Variants in RBM28 observed in about 807,000 individuals in gnomAD.
The protein encoded by RBM28 is RNA-binding protein 28.
RBM28 carries 78 observed loss-of-function variants against 98.3 expected under a neutral mutation model. That is an observed-to-expected ratio of 0.79 (90% CI 0.66 to 0.96). The LOEUF (loss-of-function observed/expected upper bound fraction) is 0.96, where lower values mean the gene tolerates loss of function less well. Among genes scored for constraint, RBM28 ranks in the 40% least tolerant of loss-of-function variants. RBM28 has a pLI of 0.00. For missense variants in RBM28, 838 were observed against 913.0 expected (o/e 0.92, Z 1.06); for synonymous variants, 306 against 330.9 (o/e 0.92, Z 0.82).
Position 128,343,766 on chromosome 7 carries a change from G to A in RBM28, c.28C>T (p.Arg10Cys), listed in dbSNP as rs762465581. 5.0e-6 allele frequency: 8 copies of A among 1,609,068 alleles called. No homozygotes were observed. The Admixed American group carries it at 8.4e-5, about 17-fold the overall frequency. The change falls in exon 1 of 19, where the codon CGC (arginine) becomes TGC (cysteine). Residue 10 changes from arginine (R) to cysteine (C), a missense_variant. Physicochemically the swap from Arg to Cys is radical, Grantham distance 180. Coordinates refer to ENST00000223073, the MANE Select transcript of RBM28 (RefSeq NM_018077.3). ...TCACTGCGGGCCGAGGGCGGGAGGC[G>A]GCCCACAAATAAGGTCAGGCCGGCC... MAGLTLFVG[R>C]LPPSARSEQL...
Position 128,322,480 on chromosome 7 carries a change from A to G in RBM28, c.1404+1047T>C, listed in dbSNP as rs576717076. Among the ~76,000 whole-genome samples, 6 of 152,340 alleles carry G rather than the reference A, an allele frequency of 3.9e-5. No homozygotes were observed. In the South Asian group the frequency reaches 1.2e-3, roughly 32 times the overall value. Reference sequence around the variant, plus strand: ...TCTTGTTTGGTAAAAGTACCAACAGATCACAAAATAAACAAATCCCTTGGA... The same window carrying G: ...TCTTGTTTGGTAAAAGTACCAACAGGTCACAAAATAAACAAATCCCTTGGA... On this transcript the variant is annotated intron_variant, in intron 13 of 18. Transcript: ENST00000223073.
chr7:128,343,752 C>T lies in RBM28; in HGVS notation c.42G>A (p.Ser14=). Residue 14 remains serine, a synonymous_variant, in exon 1 of 19, where the codon TCG becomes TCA. Transcript: ENST00000223073. Reference sequence around the variant, plus strand: ...GTTCCTCCAGCTGCTCACTGCGGGCCGAGGGCGGGAGGCGGCCCACAAATA... The same window carrying T: ...GTTCCTCCAGCTGCTCACTGCGGGCTGAGGGCGGGAGGCGGCCCACAAATA... The part of the protein sequence containing the change: ...LTLFVGRLPP[S]ARSEQLEELF... 6.2e-7 allele frequency: 1 copy of T among 1,610,236 alleles called. No individual in the cohort carries two copies. The highest frequency in any genetic ancestry group is 8.5e-7 in the Non-Finnish European group (1 of 1,178,044).
chr7:128,336,774 G>A (rs1309987551), intron 6 of RBM28, among the ~76,000 whole-genome samples: 1 of 151,964 alleles, frequency 6.6e-6, no homozygotes, highest in Non-Finnish European at 1.5e-5. Context: ...TTTTTTTTGA[G>A]ACGAAGTCTC....
At chr7:128,335,717 A>G (rs960502033) in intron 7 of RBM28, 38 bp from the exon 8 acceptor site, 1 of 1,614,052 alleles carries the variant, frequency 6.2e-7, no homozygotes, top group Admixed American at 1.7e-5. Context: ...AGGTGGGCTG[A>G]CAGAGGGCCT....
At chr7:128,336,067 G>C (rs1357765144) in intron 6 of RBM28, 25 bp from the exon 7 acceptor site, 3 of 1,578,316 alleles carry the variant, frequency 1.9e-6, no homozygotes, top group African/African-American at 2.7e-5. Context: ...AAAGAAAGGA[G>C]GAATTCATTT....
chr7:128,329,888 CAAAAAAAAAAAAAA>C (rs398006204), intron 10 of RBM28, among the ~76,000 whole-genome samples: 82 of 101,602 alleles, frequency 8.1e-4, no homozygotes, highest in Admixed American at 9.1e-4. Flanking sequence ...GACTCCGTCT[CAAAAAAAAAAAAAA>C]AAAAAAAAAA....
At chr7:128,312,183 C>A (rs2116319251) in intron 18 of RBM28, among the ~76,000 whole-genome samples, 1 of 152,294 alleles carries the variant, frequency 6.6e-6, no homozygotes, top group African/African-American at 2.4e-5. Context: ...CTTTGGGAGG[C>A]CGAGGCAGGC....
Position 128,306,305 on chromosome 7 carries a change from C to G in RBM28, c.*4492G>C, listed in dbSNP as rs1415819016. The G allele has an allele frequency of 6.6e-6, 1 of 152,192 alleles. No individual in the cohort carries two copies. Among genetic ancestry groups the G allele is most frequent in the Non-Finnish European group, 1.5e-5 (1 of 68,040 alleles). The allele number at this position is 152,192 out of a possible 1,614,324, so 9.4% of individuals were successfully genotyped here. On this transcript the variant is annotated 3_prime_UTR_variant, in exon 19 of 19. Coordinates refer to ENST00000223073, the MANE Select transcript of RBM28 (RefSeq NM_018077.3). Reference sequence around the variant, plus strand: ...CCAGATTGGAATGGACAAGGCATAGCAGAAAGTACGGTGGTACACTCAAGG... The same window carrying G: ...CCAGATTGGAATGGACAAGGCATAGGAGAAAGTACGGTGGTACACTCAAGG...
Position 128,314,693 on chromosome 7 carries a change from A to T in RBM28, c.2045+71T>A, listed in dbSNP as rs1305762244. ...AACCAAACAAATGCCACAAAGAGAA[A>T]ATAACTCAGCAAAAACAAACCCGCT... is the stretch of plus-strand genomic sequence containing the variant. On this transcript the variant is annotated intron_variant, in intron 17 of 18. Coordinates refer to ENST00000223073, the MANE Select transcript of RBM28 (RefSeq NM_018077.3). 5 of 1,605,678 alleles carry T rather than the reference A, an allele frequency of 3.1e-6. 1 individual carries two copies. The highest frequency in any genetic ancestry group is 1.3e-5 in the African/African-American group (1 of 74,756).
At position 128,307,332 on chromosome 7, in the gene RBM28, G is replaced by A. The variant is rs937261166; in HGVS notation, c.*3465C>T. The A allele has an allele frequency of 2.0e-5, 3 of 152,164 alleles. No homozygotes were observed. In the East Asian group the frequency reaches 5.8e-4, roughly 29 times the overall value. 9.4% of individuals were successfully genotyped at this position (152,164 alleles called of 1,614,324 possible). ...AGGGGAGCTTAAGACTGCAGATTCTGGGGAATCAGCACTCACTGTGACACA... is the reference window on the plus strand; with the variant it reads ...AGGGGAGCTTAAGACTGCAGATTCTAGGGAATCAGCACTCACTGTGACACA... On this transcript the variant is annotated 3_prime_UTR_variant, in exon 19 of 19. Transcript: ENST00000223073.
intron 6 of RBM28, 137 bp downstream of exon 6, chr7:128,336,994 C>T (rs1164923875): frequency 6.6e-6 from 6 of 914,246 alleles, no homozygotes; most frequent in Non-Finnish European, 1.1e-5. Context: ...GCAATCCACC[C>T]AAAGTGCTGG....
intron 1 of RBM28, among the ~76,000 whole-genome samples, chr7:128,342,050 T>C (rs1206179603): frequency 6.6e-6 from 1 of 152,112 alleles, no homozygotes; most frequent in Non-Finnish European, 1.5e-5. Context: ...TCATAGCTAC[T>C]TGGGAGGCTG....
chr7:128,337,918 T>G (rs1796637463), intron 5 of RBM28, among the ~76,000 whole-genome samples: 1 of 152,162 alleles, frequency 6.6e-6, no homozygotes, highest in African/African-American at 2.4e-5. Context: ...CACAGTCAGT[T>G]TAATAAATAG....
chr7:128,337,026 C>T, intron 6 of RBM28, 105 bp downstream of exon 6: 1 of 1,246,898 alleles, frequency 8.0e-7, no homozygotes. Flanking sequence ...AGAGCCACTG[C>T]ACCCAGCCTT....
intron 1 of RBM28, among the ~76,000 whole-genome samples, chr7:128,342,945 C>T (rs1332024640): frequency 2.6e-5 from 4 of 152,186 alleles, no homozygotes; most frequent in South Asian, 2.1e-4. Flanking sequence ...CCCCCTCTCC[C>T]CACTATACAC....
intron 3 of RBM28, 24 bp downstream of exon 3, chr7:128,339,203 A>G: frequency 1.3e-6 from 2 of 1,553,112 alleles, no homozygotes; most frequent in Non-Finnish European, 1.8e-6. Flanking sequence ...AAAACATGCA[A>G]TGTTCATTTT....
chr7:128,334,284 ACTTT>A (rs1796549360), intron 8 of RBM28, among the ~76,000 whole-genome samples: 1 of 152,210 alleles, frequency 6.6e-6, no homozygotes, highest in Non-Finnish European at 1.5e-5. Context: ...AGAAACTTCT[ACTTT>A]GTGTATTACA....
chr7:128,322,839 C>T (rs1796265492), intron 13 of RBM28, among the ~76,000 whole-genome samples: 1 of 152,256 alleles, frequency 6.6e-6, no homozygotes, highest in Non-Finnish European at 1.5e-5. Flanking sequence ...AAAAAAGACG[C>T]ACTGCCTCCT....
Position 128,302,725 on chromosome 7 carries a change from AG to A in RBM28, c.*8071del, listed in dbSNP as rs1400201612. Reference sequence around the variant, plus strand: ...AAAATATGTAATGATTAGTTAGTCCAGGGGTAGCAGGAAAAGAAGCTGGTCA... The same window carrying A: ...AAAATATGTAATGATTAGTTAGTCCAGGGTAGCAGGAAAAGAAGCTGGTCA... On this transcript the variant is annotated 3_prime_UTR_variant, in exon 19 of 19. Transcript: ENST00000223073. The A allele has an allele frequency of 1.3e-5, 2 of 152,220 alleles. No homozygotes were observed. Among genetic ancestry groups the A allele is most frequent in the Non-Finnish European group, 2.9e-5 (2 of 68,052 alleles). 9.4% of individuals were successfully genotyped at this position (152,220 alleles called of 1,614,324 possible). A position where few individuals can be genotyped will look rare whatever the true frequency, so the allele number is the denominator to read the frequency against.
Sources: allele counts gnomAD v4.1 joint callset (sites outside exome capture counted in the v4.1 genomes callset), GRCh38; gene constraint gnomAD v4.1.1; transcripts MANE v1.5; gene names NCBI Gene and HGNC (gene_info 2026-07-23, HGNC 2026-07-21).